THSD4: variants seen among roughly 807,000 people sequenced by gnomAD.
The protein encoded by THSD4 is thrombospondin type-1 domain-containing protein 4.
THSD4 carries 69 observed loss-of-function variants against 119.0 expected under a neutral mutation model. That is an observed-to-expected ratio of 0.58 (90% CI 0.48 to 0.71). THSD4 has a LOEUF of 0.71. Ranked by LOEUF, THSD4 falls within the 30% of genes least tolerant of loss-of-function variation. THSD4 has a pLI of 0.00. For missense variants in THSD4, 1,393 were observed against 1,391.1 expected, an observed-to-expected ratio of 1.00 and a Z score of -0.02; for synonymous variants, 524 against 540.4, an observed-to-expected ratio of 0.97 and a Z score of 0.42.
chr15:71,331,034 G>C (rs886828598), intron 6 of THSD4, among the ~76,000 whole-genome samples: 9 of 152,162 alleles, frequency 5.9e-5, no homozygotes, highest in African/African-American at 2.2e-4. Flanking sequence ...ACAGAGCGTT[G>C]AGCTCATTTC....
intron 6 of THSD4, among the ~76,000 whole-genome samples, chr15:71,353,772 G>A (rs1014640879): frequency 6.6e-6 from 1 of 152,220 alleles, no homozygotes; most frequent in Admixed American, 6.5e-5. Context: ...CTTTGCATGG[G>A]AAGCATGGAC....
At chr15:71,629,127 C>G (rs1181486762) in intron 7 of THSD4, among the ~76,000 whole-genome samples, 1 of 152,172 alleles carries the variant, frequency 6.6e-6, no homozygotes, top group East Asian at 1.9e-4. Flanking sequence ...CAATCTGTCA[C>G]CGGGTTGGCT....
At chr15:71,729,113 G>A (rs2052924033) in intron 9 of THSD4, 1 of 245,038 alleles carries the variant, frequency 4.1e-6, no homozygotes, top group African/African-American at 2.2e-5. Context: ...GAGCCTAAAG[G>A]AAGGCAGGAC....
At chr15:71,126,474 G>A (rs1020857031) in intron 1 of THSD4, among the ~76,000 whole-genome samples, 12 of 152,212 alleles carry the variant, frequency 7.9e-5, no homozygotes, top group Admixed American at 3.3e-4. Context: ...AGTGTCAGAA[G>A]AAGCCAGGGA....
rs553154907 is a variant in THSD4, at chr15:71,171,926, G to A, written c.99+16994G>A. Reference sequence around the variant, plus strand: ...TATAATGCATGTAAAATGGTATCACGTTACTTGAAGGTATACTGTGGTAAG... The same window carrying A: ...TATAATGCATGTAAAATGGTATCACATTACTTGAAGGTATACTGTGGTAAG... On this transcript the variant is annotated intron_variant, in intron 3 of 17. Transcript: ENST00000261862. Among the ~76,000 whole-genome samples the A allele has an allele frequency of 5.0e-4, 76 of 152,108 alleles. 1 individual carries two copies. The highest frequency in any genetic ancestry group is 7.8e-4 in the Non-Finnish European group (53 of 68,002).
chr15:71,214,094 A>AT (rs2043909109), intron 3 of THSD4, among the ~76,000 whole-genome samples: 1 of 144,660 alleles, frequency 6.9e-6, no homozygotes, highest in African/African-American at 2.8e-5. Context: ...AGCACTCTGT[A>AT]AAAACACACC....
chr15:71,428,592 C>T (rs2046904169), intron 7 of THSD4, among the ~76,000 whole-genome samples: 1 of 152,062 alleles, frequency 6.6e-6, no homozygotes, highest in South Asian at 2.1e-4. Flanking sequence ...CAGGTCAAAC[C>T]AAGTAGTTAG....
At chr15:71,482,611 G>T (rs1470055033) in intron 7 of THSD4, among the ~76,000 whole-genome samples, 1 of 144,862 alleles carries the variant, frequency 6.9e-6, no homozygotes, top group African/African-American at 2.6e-5. Context: ...TTGAGAGGGA[G>T]TTTTGCTCTT....
rs145968672 is a variant in THSD4 at position 71,213,791 on chromosome 15, T to C, written c.100-1244T>C. 5.6e-3 allele frequency among the ~76,000 whole-genome samples: 851 copies of C among 152,294 alleles called. 8 individuals are homozygous for C. The highest frequency in any genetic ancestry group is 0.018 in the African/African-American group (733 of 41,550). On this transcript the variant is annotated intron_variant, in intron 3 of 17. Coordinates refer to ENST00000261862, the MANE Select transcript of THSD4 (RefSeq NM_024817.3). Reference sequence around the variant, plus strand: ...GTCACCATGGCAGCAGGGACATTATTATCATTACTAACAAATATTTGTTTA... The same window carrying C: ...GTCACCATGGCAGCAGGGACATTATCATCATTACTAACAAATATTTGTTTA...
At chr15:71,252,607 GT>G (rs1393390211) in intron 5 of THSD4, among the ~76,000 whole-genome samples, 1 of 152,162 alleles carries the variant, frequency 6.6e-6, no homozygotes, top group Non-Finnish European at 1.5e-5. Context: ...AATTAACTTT[GT>G]TGTCTACACA....
At chr15:71,217,425 G>C (rs945664862) in intron 4 of THSD4, among the ~76,000 whole-genome samples, 1 of 151,942 alleles carries the variant, frequency 6.6e-6, no homozygotes, top group Non-Finnish European at 1.5e-5. Context: ...AGACCATCCT[G>C]GCTAAACGTG....
At chr15:71,374,435 T>A (rs1486698034) in intron 6 of THSD4, among the ~76,000 whole-genome samples, 1 of 152,208 alleles carries the variant, frequency 6.6e-6, no homozygotes, top group Admixed American at 6.5e-5. Context: ...GCACATGAGC[T>A]AACCACATGC....
At chr15:71,368,239 G>A (rs992418867) in intron 6 of THSD4, among the ~76,000 whole-genome samples, 1 of 152,154 alleles carries the variant, frequency 6.6e-6, no homozygotes, top group Non-Finnish European at 1.5e-5. Context: ...TAGGTTGCCT[G>A]TTCACTCTGA....
intron 7 of THSD4, among the ~76,000 whole-genome samples, chr15:71,609,899 T>G (rs1467670919): frequency 6.6e-6 from 1 of 150,376 alleles, no homozygotes; most frequent in Non-Finnish European, 1.5e-5. Context: ...CAACCAGAAC[T>G]ACCATGTATT....
intron 1 of THSD4, among the ~76,000 whole-genome samples, chr15:71,098,522 C>T (rs2040241443): frequency 1.3e-5 from 2 of 152,188 alleles, no homozygotes; most frequent in African/African-American, 2.4e-5. Context: ...CCTTGGCCTC[C>T]CAGAGTGCTA....
intron 11 of THSD4, among the ~76,000 whole-genome samples, chr15:71,744,147 CTT>C (rs56158827): frequency 0.066 from 6,798 of 102,620 alleles, 575 homozygotes; most frequent in African/African-American, 0.22. Context: ...ATTGAATCAG[CTT>C]TTTTTTTTTT....
In THSD4 at chr15:71,410,577, C is replaced by T. The variant is rs144548683; in HGVS notation, c.1016-1110C>T. Among the ~76,000 whole-genome samples, 337 of 152,250 alleles carry T rather than the reference C, an allele frequency of 2.2e-3. 1 individual carries two copies. Among genetic ancestry groups the T allele is most frequent in the African/African-American group, 7.4e-3 (307 of 41,544 alleles). The stretch of plus-strand genomic sequence containing the variant: ...GAGGCTATAAAGGTAGGCGAGGTTC[C>T]GCTCTTGAAAGAGGTTTTATCCCTT... On this transcript the variant is annotated intron_variant, in intron 6 of 17. Transcript: ENST00000261862.
chr15:71,159,372 A>G (rs2141388380), intron 3 of THSD4, among the ~76,000 whole-genome samples: 1 of 152,266 alleles, frequency 6.6e-6, no homozygotes, highest in South Asian at 2.1e-4. Flanking sequence ...TTATTTTGAT[A>G]AGAACTGCAT....
chr15:71,567,763 GAA>G (rs1457425251), intron 7 of THSD4, among the ~76,000 whole-genome samples: 10 of 136,170 alleles, frequency 7.3e-5, no homozygotes, highest in South Asian at 5.1e-4. Flanking sequence ...GCTGGAGAGA[GAA>G]AGAGAGAGAG....
Sources: gnomAD v4.1 joint callset for allele counts (sites outside exome capture counted in the v4.1 genomes callset) on GRCh38, gnomAD v4.1.1 for gene constraint, MANE v1.5 for transcripts, NCBI Gene and HGNC (gene_info 2026-07-23, HGNC 2026-07-21) for gene names.